RNF13: variants seen among roughly 807,000 people sequenced by gnomAD.
RNF13 encodes E3 ubiquitin-protein ligase RNF13.
RNF13 carries 19 observed loss-of-function variants against 37.7 expected under a neutral mutation model. The observed-to-expected ratio is 0.50, with a 90% CI of 0.35 to 0.74. The LOEUF (loss-of-function observed/expected upper bound fraction) is 0.74. RNF13 is among the 30% of genes least tolerant of loss of function. RNF13 has a pLI of 0.01. For missense variants in RNF13, 375 were observed against 453.0 expected, an observed-to-expected ratio of 0.83 and a Z score of 1.56; for synonymous variants, 144 against 157.8, an observed-to-expected ratio of 0.91 and a Z score of 0.65.
chr3:149,815,442 G>C (rs1182675447), intron 1 of RNF13, among the ~76,000 whole-genome samples: 3 of 152,174 alleles, frequency 2.0e-5, no homozygotes, highest in African/African-American at 7.2e-5. Context: ...TTAGCAGGAG[G>C]CAAATGAGTT....
Position 149,835,633 on chromosome 3 carries a change from T to TTGTGTGTGTGTGTG in RNF13, c.-16-10358_-16-10345dup, listed in dbSNP as rs3039646. 3.7e-3 allele frequency among the ~76,000 whole-genome samples: 508 copies of TTGTGTGTGTGTGTG among 138,766 alleles called. 2 individuals carry two copies. The highest frequency in any genetic ancestry group is 5.1e-3 in the Non-Finnish European group (317 of 62,660). 91.0% of individuals were successfully genotyped at this position (138,766 alleles called of 152,430 possible). ...ATTTTTATGGCTGCGTAGTATTCCA[T>TTGTGTGTGTGTGTG]TGTGTGTGTGTGTGTGTGTGTGTGT... On this transcript the variant is annotated intron_variant, in intron 1 of 9. Coordinates refer to ENST00000392894, the MANE Select transcript of RNF13 (RefSeq NM_183381.3).
chr3:149,960,591 C>CA lies in RNF13; in HGVS notation c.782-140dup, dbSNP rs199903209. The CA allele has an allele frequency of 5.0e-3, 3,809 of 761,632 alleles. 62 individuals are homozygous for CA. The highest frequency in any genetic ancestry group is 0.049 in the African/African-American group (2,658 of 54,022). The allele number at this position is 761,632 out of a possible 1,614,324, so 47.2% of individuals were successfully genotyped here. A position where few individuals can be genotyped will look rare whatever the true frequency, so the allele number is the denominator to read the frequency against. On this transcript the variant is annotated intron_variant, in intron 9 of 9. Transcript: ENST00000392894. The stretch of plus-strand genomic sequence containing the variant: ...TGGGTGACAGAGCAAGACTCCATCT[C>CA]AAAAAAAAATAAAAATAAAAATAAA...
intron 7 of RNF13, among the ~76,000 whole-genome samples, chr3:149,917,082 C>G (rs887418548): frequency 5.9e-5 from 9 of 152,088 alleles, no homozygotes; most frequent in African/African-American, 1.9e-4. Flanking sequence ...GTTACTATGA[C>G]TCTTAGCTGT....
intron 8 of RNF13, among the ~76,000 whole-genome samples, chr3:149,926,466 TCCC>T (rs1437577357): frequency 6.6e-6 from 1 of 152,168 alleles, no homozygotes; most frequent in Non-Finnish European, 1.5e-5. Flanking sequence ...CACCTTGGCC[TCCC>T]AAAGTGCTGG....
chr3:149,880,910 A>C (rs895888423), intron 4 of RNF13, among the ~76,000 whole-genome samples: 9 of 152,170 alleles, frequency 5.9e-5, no homozygotes, highest in African/African-American at 2.2e-4. Context: ...TTTGACTGCA[A>C]CCCACCCACA....
At chr3:149,853,884 T>C (rs899262034) in intron 3 of RNF13, among the ~76,000 whole-genome samples, 1 of 150,006 alleles carries the variant, frequency 6.7e-6, no homozygotes, top group Admixed American at 6.7e-5. Flanking sequence ...TTGCCCAGAC[T>C]GGAGCACAGT....
intron 4 of RNF13, among the ~76,000 whole-genome samples, chr3:149,878,556 C>T (rs902999853): frequency 2.6e-5 from 4 of 152,046 alleles, no homozygotes; most frequent in Non-Finnish European, 5.9e-5. Context: ...CTGCAAAGTT[C>T]CCAGGAATTT....
intron 8 of RNF13, among the ~76,000 whole-genome samples, chr3:149,931,425 GA>G (rs1044287780): frequency 4.8e-4 from 73 of 151,954 alleles, no homozygotes; most frequent in African/African-American, 1.8e-3. Flanking sequence ...CTGCTACTTT[GA>G]ATTTAATTTG....
chr3:149,878,973 G>A (rs557861801), intron 4 of RNF13, among the ~76,000 whole-genome samples: 1 of 152,212 alleles, frequency 6.6e-6, no homozygotes, highest in East Asian at 1.9e-4. Context: ...GTTTTCTTTA[G>A]GGAATCTTTA....
At chr3:149,927,459 A>G (rs1168066738) in intron 8 of RNF13, among the ~76,000 whole-genome samples, 1 of 152,204 alleles carries the variant, frequency 6.6e-6, no homozygotes, top group Non-Finnish European at 1.5e-5. Flanking sequence ...ATAAAAAAGT[A>G]TCTGTTTAAG....
At chr3:149,853,455 GGAGAGA>G (rs397842025) in intron 3 of RNF13, among the ~76,000 whole-genome samples, 2,742 of 117,246 alleles carry the variant, frequency 0.023, 45 homozygotes, top group African/African-American at 0.057. Flanking sequence ...AGAGAGAGAG[GGAGAGA>G]GAGAGAGAGA....
intron 8 of RNF13, 80 bp from the exon 9 acceptor site, chr3:149,959,976 A>T (rs1368040879): frequency 5.7e-6 from 5 of 876,856 alleles, no homozygotes; most frequent in Non-Finnish European, 9.4e-6. Flanking sequence ...AGATAAATAC[A>T]TCAAAAGGCA....
At chr3:149,892,738 G>A (rs543156305) in intron 4 of RNF13, among the ~76,000 whole-genome samples, 1 of 152,138 alleles carries the variant, frequency 6.6e-6, no homozygotes, top group Admixed American at 6.5e-5. Context: ...ATGATCTGAG[G>A]TGGAACAGTT....
chr3:149,891,609 T>C lies in RNF13; in HGVS notation c.322-3864T>C, dbSNP rs143578802. Among the ~76,000 whole-genome samples the C allele has an allele frequency of 2.8e-3, 432 of 152,356 alleles. 2 individuals carry two copies. The highest frequency in any genetic ancestry group is 9.9e-3 in the African/African-American group (413 of 41,590). ...TGTTTATTGGATGTAAAATACTCAG[T>C]GCATTTACCACAATTTGGGCTAATA... is the stretch of plus-strand genomic sequence containing the variant. On this transcript the variant is annotated intron_variant, in intron 4 of 9. Coordinates refer to ENST00000392894, the MANE Select transcript of RNF13 (RefSeq NM_183381.3).
chr3:149,826,706 T>G (rs894212970), intron 1 of RNF13, among the ~76,000 whole-genome samples: 2 of 152,100 alleles, frequency 1.3e-5, no homozygotes, highest in African/African-American at 4.8e-5. Context: ...AACCGCAGAG[T>G]CCCACCATCC....
chr3:149,943,129 T>C (rs1174420029), intron 8 of RNF13, among the ~76,000 whole-genome samples: 1 of 152,162 alleles, frequency 6.6e-6, no homozygotes, highest in Non-Finnish European at 1.5e-5. Flanking sequence ...TAAGGGATAT[T>C]TGCCTGCAGT....
intron 6 of RNF13, among the ~76,000 whole-genome samples, chr3:149,905,686 A>G (rs999348167): frequency 6.6e-6 from 1 of 152,040 alleles, no homozygotes; most frequent in Non-Finnish European, 1.5e-5. Flanking sequence ...TTTTAATATT[A>G]AATCTTTTGT....
chr3:149,865,329 G>GATAGATATAT (rs1553757165), intron 3 of RNF13, among the ~76,000 whole-genome samples: 1 of 139,126 alleles, frequency 7.2e-6, no homozygotes, highest in Non-Finnish European at 1.6e-5. Context: ...ATGTTTTGGT[G>GATAGATATAT]ATATATATAT....
intron 8 of RNF13, among the ~76,000 whole-genome samples, chr3:149,940,721 T>C (rs1720165195): frequency 6.6e-6 from 1 of 152,190 alleles, no homozygotes; most frequent in African/African-American, 2.4e-5. Flanking sequence ...AAATTTACAA[T>C]CTTAACCATT....
Sources: gnomAD v4.1 joint callset for allele counts (sites outside exome capture counted in the v4.1 genomes callset) on GRCh38, gnomAD v4.1.1 for gene constraint, MANE v1.5 for transcripts, NCBI Gene and HGNC (gene_info 2026-07-23, HGNC 2026-07-21) for gene names.